Variants in IGFBP5 observed in about 807,000 individuals in gnomAD.
The protein encoded by IGFBP5 is insulin like growth factor binding protein 5, also known as insulin-like growth factor-binding protein 5.
A neutral mutation model predicts 28.0 loss-of-function variants in IGFBP5; 12 were observed. The observed-to-expected ratio is 0.43, with a 90% CI of 0.27 to 0.69. IGFBP5 has a LOEUF of 0.69. Ranked by LOEUF, IGFBP5 falls within the 30% of genes least tolerant of loss-of-function variation. The pLI, the probability that IGFBP5 is intolerant of heterozygous loss-of-function variation, is 0.20. For missense variants in IGFBP5, 344 were observed against 381.6 expected, an observed-to-expected ratio of 0.90 and a Z score of 0.82; for synonymous variants, 152 against 150.2, an observed-to-expected ratio of 1.01 and a Z score of -0.09.
In IGFBP5 at chr2:216,678,094, T is replaced by A. The variant is rs373727441; in HGVS notation, c.687+18A>T. 3.5e-6 allele frequency: 5 copies of A among 1,444,952 alleles called. No individual in the cohort carries two copies. Among genetic ancestry groups the A allele is most frequent in the Middle Eastern group, 1.9e-4 (1 of 5,402 alleles). The allele number at this position is 1,444,952 out of a possible 1,614,324, so 89.5% of individuals were successfully genotyped here. A position where few individuals can be genotyped will look rare whatever the true frequency, so the allele number is the denominator to read the frequency against. ...TTTTGGAGCAGTCTGAGCCTGGAGC[T>A]CAGGGCAGGGGACGTACCTGCTTTC... On this transcript the variant is annotated intron_variant, in intron 3 of 3. Transcript: ENST00000233813.
At position 216,694,399 on chromosome 2, in the gene IGFBP5, C is replaced by T. The variant is rs1459826020; in HGVS notation, c.337+40G>A. 2.1e-6 allele frequency: 3 copies of T among 1,436,990 alleles called. No individual in the cohort carries two copies. The East Asian group carries it at 8.0e-5, about 38-fold the overall frequency. The allele number at this position is 1,436,990 out of a possible 1,614,324, so 89.0% of individuals were successfully genotyped here. On this transcript the variant is annotated intron_variant, in intron 1 of 3. Coordinates refer to ENST00000233813, the MANE Select transcript of IGFBP5 (RefSeq NM_000599.4). This position sits in a 1 kb window ranked among gnomAD's most constrained non-coding sequence, Gnocchi z 5.2. ...CCCAGCCGGTCTCGTGTCCCCCGCC[C>T]GTGCGCCGCGTAACTGACTGGCACA...
rs59144401 is a variant in IGFBP5, at chr2:216,692,362, C to CGTGTGT, written c.337+2071_337+2076dup. On this transcript the variant is annotated intron_variant, in intron 1 of 3. Coordinates refer to ENST00000233813, the MANE Select transcript of IGFBP5 (RefSeq NM_000599.4). The surrounding 1 kb of genome is among the most constrained non-coding windows in gnomAD (Gnocchi z 4.2). ...GGGATCTTGCTTGGGACTGAAGTGT[C>CGTGTGT]GTGTGTGTGTGTGTGTGTGTGTGTG... Among the ~76,000 whole-genome samples the CGTGTGT allele has an allele frequency of 0.14, 20,585 of 142,382 alleles. 1,669 individuals carry two copies. Among genetic ancestry groups the CGTGTGT allele is most frequent in the Non-Finnish European group, 0.19 (12,080 of 64,868 alleles). The allele number at this position is 142,382 out of a possible 152,430, so 93.4% of individuals were successfully genotyped here.
chr2:216,694,528 CG>C lies in IGFBP5; in HGVS notation c.247del (p.Arg83GlyfsTer65). The C allele has an allele frequency of 1.9e-6, 3 of 1,581,558 alleles. No homozygotes were observed. Among genetic ancestry groups the C allele is most frequent in the Admixed American group, 1.8e-5 (1 of 55,036 alleles). On this transcript the variant is annotated frameshift_variant, in exon 1 of 4. Coordinates refer to ENST00000233813, the MANE Select transcript of IGFBP5 (RefSeq NM_000599.4). LOFTEE classifies it high-confidence loss of function. The surrounding 1 kb of genome is among the most constrained non-coding windows in gnomAD (Gnocchi z 5.2). Reference protein sequence around the residue: ...RCAQGLRCLPRQDEEKPLHAL... With the variant: ...RCAQGLRCLPXQDEEKPLHAL... ...GTGCAGCGGCTTCTCCTCGTCCTGC[CG>C]GGGGAGGCAGCGCAGCCCCTGGGCG...
intron 1 of IGFBP5, among the ~76,000 whole-genome samples, chr2:216,687,760 C>T (rs2106223487): frequency 6.6e-6 from 1 of 152,190 alleles, no homozygotes; most frequent in East Asian, 1.9e-4. Context: ...TTCTCCTGGC[C>T]ACTTTCCCAT....
chr2:216,686,604 G>A (rs942090337), intron 1 of IGFBP5, among the ~76,000 whole-genome samples: 2 of 150,852 alleles, frequency 1.3e-5, no homozygotes, highest in African/African-American at 4.9e-5. Context: ...GTGACAGAGT[G>A]AGACCTTGTT....
chr2:216,680,702 T>C (rs1574578894), intron 1 of IGFBP5, among the ~76,000 whole-genome samples: 1 of 152,210 alleles, frequency 6.6e-6, no homozygotes, highest in East Asian at 1.9e-4. Flanking sequence ...TTCCTGGTGG[T>C]GAGTTGCTTT....
In IGFBP5 at chr2:216,678,289, G is replaced by A. The variant is rs534973012; in HGVS notation, c.568-58C>T. On this transcript the variant is annotated intron_variant, in intron 2 of 3. Coordinates refer to ENST00000233813, the MANE Select transcript of IGFBP5 (RefSeq NM_000599.4). Reference sequence around the variant, plus strand: ...GACCAAGGGAAAACCACCCAGCTGCGCTGACGAATGGCCCAGGGGGTGGGG... The same window carrying A: ...GACCAAGGGAAAACCACCCAGCTGCACTGACGAATGGCCCAGGGGGTGGGG... 6.4e-4 allele frequency: 930 copies of A among 1,448,512 alleles called. 12 individuals carry two copies. The South Asian group carries it at 0.013, about 21-fold the overall frequency. The allele number at this position is 1,448,512 out of a possible 1,614,324, so 89.7% of individuals were successfully genotyped here.
chr2:216,694,298 G>C lies in IGFBP5; in HGVS notation c.337+141C>G. The C allele has an allele frequency of 1.6e-6, 1 of 643,844 alleles. No homozygotes were observed. The highest frequency in any genetic ancestry group is 1.9e-5 in the African/African-American group (1 of 51,502). The allele number at this position is 643,844 out of a possible 1,614,324, so 39.9% of individuals were successfully genotyped here. A position where few individuals can be genotyped will look rare whatever the true frequency, so the allele number is the denominator to read the frequency against. Reference sequence around the variant, plus strand: ...CAGGATCCTCCAGGGCTCCAATTCCGGGGTGCAAGGACCCTCCCCGACTAC... The same window carrying C: ...CAGGATCCTCCAGGGCTCCAATTCCCGGGTGCAAGGACCCTCCCCGACTAC... On this transcript the variant is annotated intron_variant, in intron 1 of 3. Transcript: ENST00000233813. This position sits in a 1 kb window ranked among gnomAD's most constrained non-coding sequence, Gnocchi z 5.2.
rs1688874366 is a variant in IGFBP5 at position 216,674,689 on chromosome 2, A to G, written c.*2062T>C. The G allele has an allele frequency of 6.6e-6, 1 of 152,186 alleles. No homozygotes were observed. The highest frequency in any genetic ancestry group is 1.5e-5 in the Non-Finnish European group (1 of 68,052). 9.4% of individuals were successfully genotyped at this position (152,186 alleles called of 1,614,324 possible). ...AGGCCACCCATTGGTTGAGGAAGTC[A>G]TTGGAGAATGGGAGTTTCGGAATCT... On this transcript the variant is annotated 3_prime_UTR_variant, in exon 4 of 4. Transcript: ENST00000233813. The surrounding 1 kb of genome is among the most constrained non-coding windows in gnomAD (Gnocchi z 4.4).
Position 216,679,049 on chromosome 2 carries a change from G to T in IGFBP5, c.368C>A (p.Thr123Asn), listed in dbSNP as rs142248325. The T allele has an allele frequency of 2.5e-6, 4 of 1,614,068 alleles. No homozygotes were observed. In the African/African-American group the frequency reaches 5.3e-5, roughly 22 times the overall value. ...ERDSREHEEP[T>N]TSEMAEETYS... Reference sequence around the variant, plus strand: ...GGTCTCCTCGGCCATCTCAGAGGTGGTGGGCTCCTCGTGCTCACGGGAGTC... The same window carrying T: ...GGTCTCCTCGGCCATCTCAGAGGTGTTGGGCTCCTCGTGCTCACGGGAGTC... Residue 123 changes from threonine (T) to asparagine (N), a missense_variant, in exon 2 of 4, where the codon ACC becomes AAC. Transcript: ENST00000233813. The surrounding 1 kb of genome is among the most constrained non-coding windows in gnomAD (Gnocchi z 4.6).
At position 216,679,771 on chromosome 2, in the gene IGFBP5, G is replaced by A. The variant is rs1034728728; in HGVS notation, c.338-692C>T. On this transcript the variant is annotated intron_variant, in intron 1 of 3. Transcript: ENST00000233813. This position sits in a 1 kb window ranked among gnomAD's most constrained non-coding sequence, Gnocchi z 4.6. ...ACCGGCGTGGGGCCAAGTGGAAGTC[G>A]GAGGCCTTGCTCCTGCTCTGGCTCA... Among the ~76,000 whole-genome samples, 9 of 152,110 alleles carry A rather than the reference G, an allele frequency of 5.9e-5. No homozygotes were observed. Among genetic ancestry groups the A allele is most frequent in the East Asian group, 1.9e-4 (1 of 5,174 alleles).
chr2:216,686,288 G>A (rs954088451), intron 1 of IGFBP5, among the ~76,000 whole-genome samples: 7 of 152,168 alleles, frequency 4.6e-5, no homozygotes, highest in African/African-American at 1.7e-4. Context: ...TTCAGAATCA[G>A]GAACCAGACC....
intron 1 of IGFBP5, among the ~76,000 whole-genome samples, chr2:216,691,491 C>T (rs1057406812): frequency 3.3e-5 from 5 of 152,190 alleles, no homozygotes; most frequent in African/African-American, 1.2e-4. Context: ...AAATAACTCC[C>T]GTCTTTCATC....
rs1574575356 is a variant in IGFBP5, at chr2:216,673,745, A to G, written c.*3006T>C. ...ACCATTCCAAACCTGCCTCCCTCAC[A>G]CCCTGCCATGGGGGAAGAGGTGCCG... is the stretch of plus-strand genomic sequence containing the variant. On this transcript the variant is annotated 3_prime_UTR_variant, in exon 4 of 4. Coordinates refer to ENST00000233813, the MANE Select transcript of IGFBP5 (RefSeq NM_000599.4). The surrounding 1 kb of genome is among the most constrained non-coding windows in gnomAD (Gnocchi z 4.3). 6.6e-6 allele frequency: 1 copy of G among 152,082 alleles called. No homozygotes were observed. The highest frequency in any genetic ancestry group is 1.5e-5 in the Non-Finnish European group (1 of 68,050). 9.4% of individuals were successfully genotyped at this position (152,082 alleles called of 1,614,324 possible).
At chr2:216,685,019 C>T (rs558735154) in intron 1 of IGFBP5, among the ~76,000 whole-genome samples, 1 of 152,120 alleles carries the variant, frequency 6.6e-6, no homozygotes, top group East Asian at 1.9e-4. Flanking sequence ...CATGGTGGCT[C>T]ACGCCTGTAA....
chr2:216,689,910 G>A (rs1689074177), intron 1 of IGFBP5, among the ~76,000 whole-genome samples: 1 of 152,102 alleles, frequency 6.6e-6, no homozygotes, highest in Non-Finnish European at 1.5e-5. Context: ...TAGTGGCCAA[G>A]GTGGGAATAT....
chr2:216,678,031 G>A lies in IGFBP5; in HGVS notation c.687+81C>T, dbSNP rs11575199. 1.7e-3 allele frequency: 2,303 copies of A among 1,327,956 alleles called. 32 individuals are homozygous for A. The African/African-American group carries it at 0.029, about 17-fold the overall frequency. 82.3% of individuals were successfully genotyped at this position (1,327,956 alleles called of 1,614,324 possible). A position where few individuals can be genotyped will look rare whatever the true frequency, so the allele number is the denominator to read the frequency against. On this transcript the variant is annotated intron_variant, in intron 3 of 3. Coordinates refer to ENST00000233813, the MANE Select transcript of IGFBP5 (RefSeq NM_000599.4). The stretch of plus-strand genomic sequence containing the variant: ...TAAGTGGTTAACGGTGGAAACCTTA[G>A]GCACTTGCCCAAGGTGGAGTTTCCT...
chr2:216,691,086 A>C (rs1322737273), intron 1 of IGFBP5, among the ~76,000 whole-genome samples: 1 of 152,086 alleles, frequency 6.6e-6, no homozygotes, highest in Non-Finnish European at 1.5e-5. Flanking sequence ...CCCAGACATA[A>C]ATTTGGCCAA....
chr2:216,694,479 A>G lies in IGFBP5; in HGVS notation c.297T>C (p.Val99=), dbSNP rs1388121447. 5 of 1,587,148 alleles carry G rather than the reference A, an allele frequency of 3.2e-6. No homozygotes were observed. The South Asian group carries it at 4.6e-5, about 15-fold the overall frequency. The change falls in exon 1 of 4, where the codon GTT becomes GTC. Residue 99 remains valine (V), a synonymous_variant. Coordinates refer to ENST00000233813, the MANE Select transcript of IGFBP5 (RefSeq NM_000599.4). The surrounding 1 kb of genome is among the most constrained non-coding windows in gnomAD (Gnocchi z 5.2). ...CGCGGTAGCTCTTTTCGTTGAGGCA[A>G]ACCCCGCGGCCGTGCAGCAGGGCGT... ...PLHALLHGRG[V]CLNEKSYREQ...
Sources: allele counts gnomAD v4.1 joint callset (sites outside exome capture counted in the v4.1 genomes callset), GRCh38; gene constraint gnomAD v4.1.1; non-coding constraint Gnocchi (gnomAD v3.1); transcripts MANE v1.5; gene names NCBI Gene and HGNC (gene_info 2026-07-23, HGNC 2026-07-21).